Variants in LRRC4C observed in about 807,000 individuals in gnomAD.
LRRC4C encodes leucine rich repeat containing 4C, also known as leucine-rich repeat-containing protein 4C.
A neutral mutation model predicts 33.6 loss-of-function variants in LRRC4C; 5 were observed. The ratio of observed to expected loss-of-function variants is 0.15; its 90% CI spans 0.08 to 0.31. The LOEUF is 0.31. Ranked by LOEUF, LRRC4C falls within the 10% of genes least tolerant of loss-of-function variation. LRRC4C has a pLI of 1.00. For synonymous variants in LRRC4C, 329 were observed against 302.0 expected (o/e 1.09, Z -0.93); for missense variants, 560 against 796.7 (o/e 0.70, Z 3.58).
chr11:40,984,356 G>GAAAAA (rs1438385586), intron 1 of LRRC4C, among the ~76,000 whole-genome samples: 31 of 84,504 alleles, frequency 3.7e-4, no homozygotes, highest in Non-Finnish European at 6.7e-4. Flanking sequence ...GAAAGAGAAA[G>GAAAAA]AAAGAAAAAA....
intron 3 of LRRC4C, among the ~76,000 whole-genome samples, chr11:40,546,185 C>G (rs534881018): frequency 3.3e-5 from 5 of 150,104 alleles, no homozygotes; most frequent in Admixed American, 2.0e-4. Flanking sequence ...TGCAATATTC[C>G]AGTTAACAAT....
intron 1 of LRRC4C, among the ~76,000 whole-genome samples, chr11:41,095,622 A>T (rs573515539): frequency 2.0e-4 from 30 of 152,294 alleles, no homozygotes; most frequent in African/African-American, 7.2e-4. Context: ...ACAGAGGCAT[A>T]GCCTCTTTCT....
At chr11:40,788,635 A>G (rs578122009) in intron 2 of LRRC4C, among the ~76,000 whole-genome samples, 3 of 152,146 alleles carry the variant, frequency 2.0e-5, no homozygotes, top group African/African-American at 7.2e-5. Context: ...TGACCAGTAA[A>G]GTCCATTGCA....
chr11:41,264,597 T>C (rs1949089958), intron 1 of LRRC4C, among the ~76,000 whole-genome samples: 1 of 152,094 alleles, frequency 6.6e-6, no homozygotes, highest in African/African-American at 2.4e-5. Flanking sequence ...AAATGTGGAA[T>C]TGGGAATTGT....
intron 3 of LRRC4C, among the ~76,000 whole-genome samples, chr11:40,452,320 A>C (rs1349729438): frequency 1.3e-5 from 2 of 152,190 alleles, no homozygotes. Context: ...CAAAGAACTC[A>C]AACAAATTTA....
At chr11:41,013,856 A>G (rs1855389443) in intron 1 of LRRC4C, among the ~76,000 whole-genome samples, 1 of 152,230 alleles carries the variant, frequency 6.6e-6, no homozygotes, top group African/African-American at 2.4e-5. Context: ...TCATGTTGGA[A>G]GGTGAAGGGG....
intron 4 of LRRC4C, among the ~76,000 whole-genome samples, chr11:40,263,801 C>A (rs1359998968): frequency 6.6e-6 from 1 of 152,132 alleles, no homozygotes; most frequent in Non-Finnish European, 1.5e-5. Context: ...AGGTGACATT[C>A]TTTAAACGAA....
intron 2 of LRRC4C, among the ~76,000 whole-genome samples, chr11:40,685,566 ATAT>A (rs1393477122): frequency 5.9e-5 from 9 of 151,988 alleles, no homozygotes; most frequent in Non-Finnish European, 1.3e-4. Flanking sequence ...ATAATAATAT[ATAT>A]TAATTTGAAA....
intron 1 of LRRC4C, among the ~76,000 whole-genome samples, chr11:41,146,604 T>C (rs1292457247): frequency 6.6e-6 from 1 of 152,218 alleles, no homozygotes; most frequent in Non-Finnish European, 1.5e-5. Context: ...AATTAGGACC[T>C]GATCTGAAAC....
intron 3 of LRRC4C, among the ~76,000 whole-genome samples, chr11:40,532,004 T>A (rs1486946802): frequency 6.8e-6 from 1 of 147,240 alleles, no homozygotes; most frequent in Admixed American, 7.0e-5. Flanking sequence ...GCATCTAGTA[T>A]GACCATGCAT....
chr11:40,406,453 A>G (rs923613317), intron 3 of LRRC4C, among the ~76,000 whole-genome samples: 47 of 152,230 alleles, frequency 3.1e-4, no homozygotes, highest in African/African-American at 9.9e-4. Context: ...AAAAGTATCA[A>G]TGTCATTCAC....
intron 3 of LRRC4C, among the ~76,000 whole-genome samples, chr11:40,517,749 A>T (rs1445011283): frequency 5.3e-5 from 8 of 151,894 alleles, no homozygotes; most frequent in Non-Finnish European, 4.4e-5. Flanking sequence ...GGGGGGAAAA[A>T]AAAAAAACTA....
intron 2 of LRRC4C, among the ~76,000 whole-genome samples, chr11:40,896,602 C>A (rs986124361): frequency 6.6e-6 from 1 of 151,090 alleles, no homozygotes; most frequent in Non-Finnish European, 1.5e-5. Context: ...GTCTGGGACT[C>A]TAAATTATGG....
At chr11:40,320,973 A>T (rs932145811) in intron 3 of LRRC4C, among the ~76,000 whole-genome samples, 5 of 152,174 alleles carry the variant, frequency 3.3e-5, no homozygotes, top group Non-Finnish European at 7.4e-5. Context: ...TTCATGTATT[A>T]CTTGAAAAAA....
intron 5 of LRRC4C, among the ~76,000 whole-genome samples, chr11:40,165,762 A>G (rs1395382687): frequency 6.6e-6 from 1 of 152,174 alleles, no homozygotes; most frequent in Non-Finnish European, 1.5e-5. Flanking sequence ...CCTGACCAAC[A>G]TGGAGGAACC....
intron 1 of LRRC4C, among the ~76,000 whole-genome samples, chr11:40,999,578 C>A (rs1334364857): frequency 6.6e-6 from 1 of 151,968 alleles, no homozygotes; most frequent in Non-Finnish European, 1.5e-5. Flanking sequence ...AACAACCGTC[C>A]CATAGGATGG....
In LRRC4C at chr11:40,218,642, T is replaced by TTATC. The variant is rs1554977188; in HGVS notation, c.-96+22873_-96+22876dup. Among the ~76,000 whole-genome samples the TTATC allele has an allele frequency of 1.7e-3, 190 of 111,896 alleles. 9 individuals are homozygous for TTATC. The highest frequency in any genetic ancestry group is 6.2e-3 in the African/African-American group (164 of 26,358). The allele number at this position is 111,896 out of a possible 152,430, so 73.4% of individuals were successfully genotyped here. A position where few individuals can be genotyped will look rare whatever the true frequency, so the allele number is the denominator to read the frequency against. ...TGTATGTATGTATGTATGTATCTAT[T>TTATC]TATCTATCTATCATCTATTGCCATA... On this transcript the variant is annotated intron_variant, in intron 5 of 6. Transcript: ENST00000528697.
intron 2 of LRRC4C, among the ~76,000 whole-genome samples, chr11:40,721,931 C>T (rs192511133): frequency 1.3e-5 from 2 of 152,092 alleles, no homozygotes; most frequent in Non-Finnish European, 1.5e-5. Context: ...GGCGACAGAG[C>T]GACACTCCCT....
chr11:40,257,964 C>T lies in LRRC4C; in HGVS notation c.-175-16366G>A, dbSNP rs184469679. Among the ~76,000 whole-genome samples, 9 of 152,204 alleles carry T rather than the reference C, an allele frequency of 5.9e-5. 1 individual carries two copies. The highest frequency in any genetic ancestry group is 5.9e-4 in the Admixed American group (9 of 15,270). On this transcript the variant is annotated intron_variant, in intron 4 of 6. Transcript: ENST00000528697. ...CTATTGCTAACGGCTATAACAGGTC[C>T]CGGGTAGAACATCCACAGGGTATAT...
Sources: allele counts gnomAD v4.1 joint callset (sites outside exome capture counted in the v4.1 genomes callset), GRCh38; gene constraint gnomAD v4.1.1; transcripts MANE v1.5; gene names NCBI Gene and HGNC (gene_info 2026-07-23, HGNC 2026-07-21).